STPG2: variants seen among roughly 807,000 people sequenced by gnomAD.
The protein encoded by STPG2 is sperm tail PG-rich repeat containing 2, also known as sperm-tail PG-rich repeat-containing protein 2.
STPG2 carries 56 observed loss-of-function variants against 54.2 expected under a neutral mutation model. That is an observed-to-expected ratio of 1.03 (90% CI 0.83 to 1.29). The LOEUF (loss-of-function observed/expected upper bound fraction) is 1.29. Ranked by LOEUF, STPG2 falls within the 50% of genes most tolerant of loss-of-function variation. The pLI is 0.00. For missense variants in STPG2, 596 were observed against 544.9 expected (o/e 1.09, Z -0.93); for synonymous variants, 200 against 181.8 (o/e 1.10, Z -0.81).
intron 10 of STPG2, among the ~76,000 whole-genome samples, chr4:97,701,325 C>G (rs1249040211): frequency 6.6e-6 from 1 of 152,050 alleles, no homozygotes; most frequent in African/African-American, 2.4e-5. Context: ...GAGCTAAAAC[C>G]CCTTTAATTA....
intron 9 of STPG2, among the ~76,000 whole-genome samples, chr4:97,828,514 C>A (rs1367507449): frequency 6.6e-6 from 1 of 151,912 alleles, no homozygotes. Context: ...TTCCATATCC[C>A]AATGGCAACT....
At chr4:97,923,341 G>T (rs113553147) in intron 8 of STPG2, among the ~76,000 whole-genome samples, 5 of 65,316 alleles carry the variant, frequency 7.7e-5, no homozygotes, top group Admixed American at 6.2e-4. Context: ...CCACCTCCCC[G>T]ACAAGTGCCG....
intron 9 of STPG2, among the ~76,000 whole-genome samples, chr4:97,827,457 A>T (rs1295683927): frequency 6.6e-6 from 1 of 151,910 alleles, no homozygotes; most frequent in African/African-American, 2.4e-5. Flanking sequence ...GGATGGTCTC[A>T]ATCTCCTGAC....
chr4:97,830,187 C>T (rs896524187), intron 9 of STPG2, among the ~76,000 whole-genome samples: 1 of 152,116 alleles, frequency 6.6e-6, no homozygotes, highest in Non-Finnish European at 1.5e-5. Flanking sequence ...CTACAGAAAC[C>T]CTACAAGCAA....
Position 97,883,572 on chromosome 4 carries a change from C to A in STPG2, c.1045-42640G>T, listed in dbSNP as rs1275449531. On this transcript the variant is annotated intron_variant, in intron 8 of 10. Coordinates refer to ENST00000295268, the MANE Select transcript of STPG2 (RefSeq NM_174952.3). ...TTTAGCAGCAACATGAAATTATAAA[C>A]AAAACAAGTGTTAGAAATGAAAAAA... Among the ~76,000 whole-genome samples the A allele has an allele frequency of 1.3e-5, 2 of 150,846 alleles. 1 individual carries two copies. Among genetic ancestry groups the A allele is most frequent in the African/African-American group, 4.9e-5 (2 of 40,494 alleles).
At chr4:98,129,656 G>T (rs1299216352) in intron 2 of STPG2, among the ~76,000 whole-genome samples, 4 of 151,842 alleles carry the variant, frequency 2.6e-5, no homozygotes, top group African/African-American at 9.7e-5. Context: ...AAACATGAAG[G>T]TGTAATATAT....
chr4:97,967,847 C>T (rs544752793), intron 7 of STPG2, among the ~76,000 whole-genome samples: 42 of 152,216 alleles, frequency 2.8e-4, no homozygotes, highest in African/African-American at 7.9e-4. Context: ...ATCTCTGGGA[C>T]ACATTTAAAG....
chr4:97,634,634 G>A (rs1438012002), intron 10 of STPG2, among the ~76,000 whole-genome samples: 2 of 151,648 alleles, frequency 1.3e-5, no homozygotes, highest in African/African-American at 4.9e-5. Flanking sequence ...CCAATACAGA[G>A]AAGTGCTTAA....
chr4:97,889,592 T>TTC (rs1730693298), intron 8 of STPG2, among the ~76,000 whole-genome samples: 1 of 152,158 alleles, frequency 6.6e-6, no homozygotes, highest in African/African-American at 2.4e-5. Context: ...ATGATCTCAC[T>TTC]AATATGTGGA....
At chr4:98,102,982 A>C (rs561353449) in intron 5 of STPG2, among the ~76,000 whole-genome samples, 2 of 150,856 alleles carry the variant, frequency 1.3e-5, no homozygotes, top group South Asian at 4.2e-4. Flanking sequence ...ATTCCATGGA[A>C]TCTAACTTTT....
intron 1 of STPG2, among the ~76,000 whole-genome samples, chr4:98,136,500 G>A (rs1249560853): frequency 6.6e-6 from 1 of 151,690 alleles, no homozygotes. Flanking sequence ...TGTACTGAAA[G>A]TGAAAAATAG....
chr4:98,133,337 T>A (rs575531182), intron 2 of STPG2, among the ~76,000 whole-genome samples: 302 of 152,162 alleles, frequency 2.0e-3, no homozygotes, highest in African/African-American at 7.1e-3. Flanking sequence ...TCAGCTAAGA[T>A]TTTAAGTCAT....
chr4:97,877,063 C>T lies in STPG2; in HGVS notation c.1045-36131G>A, dbSNP rs530427836. Among the ~76,000 whole-genome samples, 6 of 152,064 alleles carry T rather than the reference C, an allele frequency of 3.9e-5. No homozygotes were observed. In the East Asian group the frequency reaches 1.2e-3, roughly 29 times the overall value. On this transcript the variant is annotated intron_variant, in intron 8 of 10. Transcript: ENST00000295268. ...CATTGATAAAACTAATTAACAAATC[C>T]ATCACCTTAACAATTTATCATGTTT... is the stretch of plus-strand genomic sequence containing the variant.
chr4:97,644,704 G>A (rs1278069183), intron 10 of STPG2, among the ~76,000 whole-genome samples: 1 of 151,964 alleles, frequency 6.6e-6, no homozygotes, highest in African/African-American at 2.4e-5. Context: ...CTTGGGAAAG[G>A]TGCAATGATG....
At chr4:98,027,519 G>A (rs1012303857) in intron 5 of STPG2, among the ~76,000 whole-genome samples, 3 of 152,082 alleles carry the variant, frequency 2.0e-5, no homozygotes, top group African/African-American at 7.2e-5. Flanking sequence ...TCCATCTAGG[G>A]CAAAATTCAT....
At chr4:97,989,408 G>A (rs1316805172) in intron 5 of STPG2, among the ~76,000 whole-genome samples, 1 of 152,120 alleles carries the variant, frequency 6.6e-6, no homozygotes, top group Admixed American at 6.6e-5. Context: ...GCCTGAAACT[G>A]AGGATAGTAT....
At chr4:97,965,871 A>G (rs1435155049) in intron 7 of STPG2, among the ~76,000 whole-genome samples, 1 of 152,208 alleles carries the variant, frequency 6.6e-6, no homozygotes. Context: ...GGTCACCAAC[A>G]TCAAAGACCA....
At chr4:97,959,690 T>C (rs1345104809) in intron 7 of STPG2, among the ~76,000 whole-genome samples, 3 of 151,436 alleles carry the variant, frequency 2.0e-5, no homozygotes, top group African/African-American at 7.3e-5. Flanking sequence ...ATAGTGATAT[T>C]GAAATGGTAA....
At chr4:97,662,369 C>T (rs530218081) in intron 10 of STPG2, among the ~76,000 whole-genome samples, 1 of 152,162 alleles carries the variant, frequency 6.6e-6, no homozygotes, top group African/African-American at 2.4e-5. Flanking sequence ...ACTAAAAAGT[C>T]AAACATAAAA....
Sources: gnomAD v4.1 joint callset for allele counts (sites outside exome capture counted in the v4.1 genomes callset) on GRCh38, gnomAD v4.1.1 for gene constraint, MANE v1.5 for transcripts, NCBI Gene and HGNC (gene_info 2026-07-23, HGNC 2026-07-21) for gene names.